Variants in CPEB1 observed in about 807,000 individuals in gnomAD.
The protein encoded by CPEB1 is cytoplasmic polyadenylation element binding protein 1.
CPEB1 carries 7 observed loss-of-function variants against 65.8 expected under a neutral mutation model. The observed-to-expected ratio is 0.11, with a 90% CI of 0.06 to 0.20. The LOEUF (loss-of-function observed/expected upper bound fraction) is 0.20, where lower values mean the gene tolerates loss of function less well. Among genes scored for constraint, CPEB1 ranks in the 10% least tolerant of loss-of-function variants. The pLI is 1.00. For synonymous variants in CPEB1, 262 were observed against 260.0 expected, an observed-to-expected ratio of 1.01 and a Z score of -0.08; for missense variants, 551 against 712.2, an observed-to-expected ratio of 0.77 and a Z score of 2.58.
chr15:82,545,906 C>G (rs1486840257), intron 12 of CPEB1, among the ~76,000 whole-genome samples: 1 of 152,138 alleles, frequency 6.6e-6, no homozygotes, highest in Non-Finnish European at 1.5e-5. Flanking sequence ...GCAATAGTGG[C>G]ATACTGCATA....
At chr15:82,642,208 C>T (rs1232218073) in intron 1 of CPEB1, among the ~76,000 whole-genome samples, 1 of 152,148 alleles carries the variant, frequency 6.6e-6, no homozygotes, top group African/African-American at 2.4e-5. Flanking sequence ...AAACTAAGGG[C>T]ATTTCCAAAA....
At chr15:82,590,930 G>T (rs2042202674) in intron 3 of CPEB1, among the ~76,000 whole-genome samples, 1 of 152,158 alleles carries the variant, frequency 6.6e-6, no homozygotes, top group African/African-American at 2.4e-5. Context: ...CAGGCATTTA[G>T]GTTGATTCCA....
intron 3 of CPEB1, among the ~76,000 whole-genome samples, chr15:82,588,252 G>T (rs990677856): frequency 6.6e-6 from 1 of 151,890 alleles, no homozygotes; most frequent in Admixed American, 6.6e-5. Flanking sequence ...CAGCCCAAAG[G>T]TTTTCTTAAT....
chr15:82,612,770 G>A (rs1033828767), intron 3 of CPEB1, among the ~76,000 whole-genome samples: 1 of 151,946 alleles, frequency 6.6e-6, no homozygotes, highest in Non-Finnish European at 1.5e-5. Flanking sequence ...GGGGGCGGAG[G>A]TTGCAGTAAG....
chr15:82,595,324 TAAG>T (rs767664740), intron 3 of CPEB1, among the ~76,000 whole-genome samples: 5 of 152,236 alleles, frequency 3.3e-5, no homozygotes, highest in African/African-American at 4.8e-5. Context: ...TCATTTCTCT[TAAG>T]GAGTGAATTT....
chr15:82,563,941 C>A (rs1019003691), intron 4 of CPEB1, among the ~76,000 whole-genome samples: 1 of 152,022 alleles, frequency 6.6e-6, no homozygotes, highest in African/African-American at 2.4e-5. Context: ...GTAATAGGAA[C>A]TAGGATCCCA....
chr15:82,603,530 T>C (rs911934480), intron 3 of CPEB1, among the ~76,000 whole-genome samples: 4 of 112,854 alleles, frequency 3.5e-5, no homozygotes, highest in Non-Finnish European at 5.2e-5. Context: ...CTAACCTGCA[T>C]GCTTGAAAGA....
At chr15:82,547,345 G>C in intron 10 of CPEB1, 108 bp from the exon 11 acceptor site, 1 of 632,652 alleles carries the variant, frequency 1.6e-6, no homozygotes, top group African/African-American at 2.0e-5. Context: ...CGCCCAGGCT[G>C]GTGTGCAGTG....
At chr15:82,623,761 T>TG (rs2045519985) in intron 3 of CPEB1, among the ~76,000 whole-genome samples, 1 of 152,214 alleles carries the variant, frequency 6.6e-6, no homozygotes, top group Admixed American at 6.5e-5. Context: ...TTTCTATGCA[T>TG]ATATATTTAA....
At chr15:82,641,465 A>G (rs1442014314) in intron 1 of CPEB1, among the ~76,000 whole-genome samples, 1 of 152,204 alleles carries the variant, frequency 6.6e-6, no homozygotes, top group Non-Finnish European at 1.5e-5. Context: ...ACTTTTATCA[A>G]AGGGGATTGT....
chr15:82,624,823 G>C (rs2045616511), intron 3 of CPEB1, among the ~76,000 whole-genome samples: 1 of 141,058 alleles, frequency 7.1e-6, no homozygotes, highest in Non-Finnish European at 1.5e-5. Flanking sequence ...TTGAATTGTT[G>C]AGTGTCATAC....
chr15:82,545,777 C>T (rs2035077810), intron 12 of CPEB1, among the ~76,000 whole-genome samples: 2 of 152,152 alleles, frequency 1.3e-5, no homozygotes, highest in Non-Finnish European at 2.9e-5. Context: ...GAGGACGAGG[C>T]ATCCTCCTTT....
upstream of CPEB1, chr15:82,647,493 G>C (rs899646664): frequency 1.9e-5 from 4 of 209,472 alleles, no homozygotes; most frequent in Non-Finnish European, 3.8e-5. Context: ...TGCGACGGCA[G>C]TGTGAGAAAG....
intron 10 of CPEB1, among the ~76,000 whole-genome samples, chr15:82,549,221 T>C (rs1249079644): frequency 5.3e-5 from 8 of 152,238 alleles, no homozygotes; most frequent in Admixed American, 2.6e-4. Context: ...TCACTTCTTA[T>C]CACCTCCTGT....
intron 3 of CPEB1, among the ~76,000 whole-genome samples, chr15:82,585,027 T>C (rs2041673715): frequency 6.7e-6 from 1 of 150,184 alleles, no homozygotes; most frequent in Non-Finnish European, 1.5e-5. Flanking sequence ...TAAAAGCCCA[T>C]ATTAGATTTC....
At chr15:82,562,790 G>A (rs1254984901) in intron 4 of CPEB1, among the ~76,000 whole-genome samples, 1 of 150,756 alleles carries the variant, frequency 6.6e-6, no homozygotes, top group Non-Finnish European at 1.5e-5. Context: ...GGCCATGATC[G>A]TGCCACTGCA....
chr15:82,554,254 T>A (rs1444196795), intron 6 of CPEB1, among the ~76,000 whole-genome samples: 2 of 152,090 alleles, frequency 1.3e-5, no homozygotes, highest in African/African-American at 4.8e-5. Context: ...GGGTAAAAAT[T>A]TACACCCCAT....
intron 3 of CPEB1, among the ~76,000 whole-genome samples, chr15:82,609,301 A>G (rs1418420724): frequency 6.6e-6 from 1 of 152,042 alleles, no homozygotes; most frequent in East Asian, 1.9e-4. Context: ...GGAGTTTGAG[A>G]CAGCCCAGGC....
Position 82,544,353 on chromosome 15 carries a change from G to T in CPEB1, c.*239C>A. 2.1e-3 allele frequency: 560 copies of T among 269,170 alleles called. No homozygotes were observed. The highest frequency in any genetic ancestry group is 3.6e-3 in the Middle Eastern group (3 of 834). The allele number at this position is 269,170 out of a possible 1,614,324, so 16.7% of individuals were successfully genotyped here. On this transcript the variant is annotated 3_prime_UTR_variant, in exon 13 of 13. Coordinates refer to ENST00000684509, the MANE Select transcript of CPEB1 (RefSeq NM_001365242.1). ...ATCTGGGAAAACTACAGAGTCGCTTGGAGGGTAAGCCAGAGGGTCCTTGCC... is the reference window on the plus strand; with the variant it reads ...ATCTGGGAAAACTACAGAGTCGCTTTGAGGGTAAGCCAGAGGGTCCTTGCC...
Sources: gnomAD v4.1 joint callset for allele counts (sites outside exome capture counted in the v4.1 genomes callset) on GRCh38, gnomAD v4.1.1 for gene constraint, MANE v1.5 for transcripts, NCBI Gene and HGNC (gene_info 2026-07-23, HGNC 2026-07-21) for gene names.